LUZP1: variants seen among roughly 807,000 people sequenced by gnomAD.
LUZP1 encodes filamin mechanobinding actin cross-linking protein.
In LUZP1, 25 loss-of-function variants were observed where a neutral mutation model predicts 71.3. The ratio of observed to expected loss-of-function variants is 0.35; its 90% CI spans 0.26 to 0.49. The LOEUF (loss-of-function observed/expected upper bound fraction) is 0.49. Among genes scored for constraint, LUZP1 ranks in the 20% least tolerant of loss-of-function variants. LUZP1 has a pLI of 0.99. For missense variants in LUZP1, 1,142 were observed against 1,300.8 expected (o/e 0.88, Z 1.88); for synonymous variants, 481 against 506.4 (o/e 0.95, Z 0.67).
intron 2 of LUZP1, among the ~76,000 whole-genome samples, chr1:23,121,058 G>C (rs1175339690): frequency 6.6e-6 from 1 of 152,120 alleles, no homozygotes; most frequent in Non-Finnish European, 1.5e-5. Flanking sequence ...AGCCCAGGGA[G>C]AAAAATCCCC....
At chr1:23,132,929 G>C (rs1305421214) in intron 2 of LUZP1, among the ~76,000 whole-genome samples, 1 of 152,050 alleles carries the variant, frequency 6.6e-6, no homozygotes, top group African/African-American at 2.4e-5. Flanking sequence ...CATATAATTA[G>C]ACCAAAACTG....
At chr1:23,139,051 C>A (rs1644282717) in intron 2 of LUZP1, among the ~76,000 whole-genome samples, 1 of 110,984 alleles carries the variant, frequency 9.0e-6, no homozygotes. Flanking sequence ...TATATACACA[C>A]ATCATATGTA....
intron 2 of LUZP1, among the ~76,000 whole-genome samples, chr1:23,147,907 G>A (rs933929189): frequency 1.3e-5 from 2 of 152,160 alleles, no homozygotes; most frequent in African/African-American, 4.8e-5. Flanking sequence ...GCCTATGCAA[G>A]CATCTCTTCT....
chr1:23,160,571 G>C (rs910568231), intron 2 of LUZP1, among the ~76,000 whole-genome samples: 2 of 152,138 alleles, frequency 1.3e-5, no homozygotes, highest in Non-Finnish European at 2.9e-5. Flanking sequence ...CCGGCCTTTA[G>C]ATTAGAGAAA....
At position 23,149,476 on chromosome 1, in the gene LUZP1, G is replaced by A. The variant is rs192545566; in HGVS notation, c.-226+19290C>T. Among the ~76,000 whole-genome samples, 410 of 152,182 alleles carry A rather than the reference G, an allele frequency of 2.7e-3. 1 individual carries two copies. The highest frequency in any genetic ancestry group is 9.4e-3 in the African/African-American group (391 of 41,538). On this transcript the variant is annotated intron_variant, in intron 2 of 4. Coordinates refer to ENST00000302291, the Ensembl canonical transcript of LUZP1. ...TATATTTTTAACTTATAGTCAAAGA[G>A]GCTCAAGGAAGATGATCAACAACTT... is the stretch of plus-strand genomic sequence containing the variant.
In LUZP1 at chr1:23,170,422, T is replaced by TATGAAC. The variant is rs1644543717; in HGVS notation, c.-484-1404_-484-1399dup. Among the ~76,000 whole-genome samples the TATGAAC allele has an allele frequency of 2.0e-5, 3 of 152,058 alleles. No homozygotes were observed. The South Asian group carries it at 6.2e-4, about 32-fold the overall frequency. On this transcript the variant is annotated intron_variant, in intron 1 of 4. Transcript: ENST00000302291. ...ATCAGGCACAGTGTTCCACAAACAATATGAACAATATGATTGTCATTCTTA... is the reference window on the plus strand; with the variant it reads ...ATCAGGCACAGTGTTCCACAAACAATATGAACATGAACAATATGATTGTCATTCTTA...
rs1282460760 is a variant in LUZP1, at chr1:23,091,789, G to A, written c.2473C>T (p.Gln825Ter). 1 of 1,613,970 alleles carries A rather than the reference G, an allele frequency of 6.2e-7. No individual in the cohort carries two copies. Among genetic ancestry groups the A allele is most frequent in the Non-Finnish European group, 8.5e-7 (1 of 1,180,036 alleles). Residue 825 changes from glutamine (Q) to a stop codon, truncating the protein, a stop_gained, in exon 4 of 5, where the codon CAG becomes TAG. Coordinates refer to ENST00000302291, the Ensembl canonical transcript of LUZP1. LOFTEE classifies it high-confidence loss of function. ...GATGTGAGCTCTGCCAGCCCCACCT[G>A]GATATTGCTAGTGGATGTGTGCCTC...
At chr1:23,098,613 A>C (rs1643906929) in intron 3 of LUZP1, among the ~76,000 whole-genome samples, 1 of 152,142 alleles carries the variant, frequency 6.6e-6, no homozygotes, top group Non-Finnish European at 1.5e-5. Context: ...GTTGTTGAGA[A>C]GTTAGGGGCA....
At chr1:23,092,141 A>T (rs1403835560) in exon 4 of LUZP1, 1 of 1,613,988 alleles carries the variant, frequency 6.2e-7, no homozygotes, top group Non-Finnish European at 8.5e-7. Context: ...CATCTTTATC[A>T]TTCTCAAATA....
At chr1:23,135,520 AC>A (rs1557669135) in intron 2 of LUZP1, among the ~76,000 whole-genome samples, 1 of 152,148 alleles carries the variant, frequency 6.6e-6, no homozygotes, top group Non-Finnish European at 1.5e-5. Flanking sequence ...ATTCAGAAAA[AC>A]CACATTAATA....
At chr1:23,160,792 G>A (rs1427028824) in intron 2 of LUZP1, among the ~76,000 whole-genome samples, 2 of 152,114 alleles carry the variant, frequency 1.3e-5, no homozygotes, top group Admixed American at 6.6e-5. Context: ...AATAGAAGCT[G>A]GTCAAGTTAA....
At chr1:23,136,686 A>G (rs1644256624) in intron 2 of LUZP1, among the ~76,000 whole-genome samples, 1 of 152,194 alleles carries the variant, frequency 6.6e-6, no homozygotes, top group Non-Finnish European at 1.5e-5. Context: ...AGGCGGGTGG[A>G]TCACGAGATC....
intron 2 of LUZP1, among the ~76,000 whole-genome samples, chr1:23,111,516 G>A (rs1644032542): frequency 6.6e-6 from 1 of 152,062 alleles, no homozygotes; most frequent in Non-Finnish European, 1.5e-5. Flanking sequence ...AGCCACAGTT[G>A]TCCTACTGCA....
intron 1 of LUZP1, among the ~76,000 whole-genome samples, chr1:23,169,338 G>GT (rs1448906432): frequency 2.0e-5 from 3 of 152,152 alleles, no homozygotes; most frequent in Non-Finnish European, 2.9e-5. Flanking sequence ...GTGAGACCCT[G>GT]TCTCAAAAGA....
At chr1:23,150,901 GT>G (rs1441330981) in intron 2 of LUZP1, among the ~76,000 whole-genome samples, 1 of 152,092 alleles carries the variant, frequency 6.6e-6, no homozygotes, top group Non-Finnish European at 1.5e-5. Flanking sequence ...GTTTGTTTGT[GT>G]TTGTTTTTCG....
intron 1 of LUZP1, among the ~76,000 whole-genome samples, chr1:23,175,802 G>T (rs1644578684): frequency 6.6e-6 from 1 of 152,172 alleles, no homozygotes; most frequent in African/African-American, 2.4e-5. Flanking sequence ...ATTAAGTGCT[G>T]CAAAGAATCA....
At chr1:23,123,492 C>CAAAAAAAAAAAAAAAAAA (rs10716851) in intron 2 of LUZP1, among the ~76,000 whole-genome samples, 1 of 106,906 alleles carries the variant, frequency 9.4e-6, no homozygotes. Flanking sequence ...ACTTTGTCTC[C>CAAAAAAAAAAAAAAAAAA]AAAAAAAAAA....
chr1:23,114,836 G>C (rs954466484), intron 2 of LUZP1, among the ~76,000 whole-genome samples: 2 of 152,182 alleles, frequency 1.3e-5, no homozygotes, highest in Non-Finnish European at 2.9e-5. Flanking sequence ...TTGGACCTCA[G>C]ATGTGTCTTT....
chr1:23,100,779 G>A (rs951743797), intron 3 of LUZP1, among the ~76,000 whole-genome samples: 1 of 152,118 alleles, frequency 6.6e-6, no homozygotes, highest in African/African-American at 2.4e-5. Flanking sequence ...CTGATTTTTA[G>A]CTTCTTACAA....
Sources: allele counts gnomAD v4.1 joint callset (sites outside exome capture counted in the v4.1 genomes callset), GRCh38; gene constraint gnomAD v4.1.1; transcripts MANE v1.5; gene names NCBI Gene and HGNC (gene_info 2026-07-23, HGNC 2026-07-21).